The following GCLC variants were observed in gnomAD, a reference collection of about 807,000 sequenced individuals.
GCLC encodes the protein glutamate-cysteine ligase catalytic subunit.
In GCLC, 30 loss-of-function variants were observed where a neutral mutation model predicts 81.5. The observed-to-expected ratio is 0.37, with a 90% CI of 0.28 to 0.50. The LOEUF (loss-of-function observed/expected upper bound fraction) is 0.50. Among genes scored for constraint, GCLC ranks in the 20% least tolerant of loss-of-function variants. The pLI is 0.96. For missense variants in GCLC, 556 were observed against 777.4 expected (o/e 0.72, Z 3.39); for synonymous variants, 262 against 273.3 (o/e 0.96, Z 0.41).
chr6:53,538,765 T>C (rs1182969005), intron 1 of GCLC, among the ~76,000 whole-genome samples: 1 of 152,234 alleles, frequency 6.6e-6, no homozygotes, highest in African/African-American at 2.4e-5. Context: ...AAAGTTCACA[T>C]GGACTTTTCT....
Position 53,500,280 on chromosome 6 carries a change from G to A in GCLC, c.1548C>T (p.Thr516=), listed in dbSNP as rs1211410942. 6.2e-7 allele frequency: 1 copy of A among 1,614,030 alleles called. No homozygotes were observed. Among genetic ancestry groups the A allele is most frequent in the East Asian group, 2.2e-5 (1 of 44,878 alleles). The change falls in exon 14 of 16, where the codon ACC becomes ACT. Residue 516 remains threonine, a synonymous_variant. Transcript: ENST00000650454. ...TGATGATGGTGTCTATGCTCATGAGGGTGTACTCCTCTGCAGCGAGCTCCG... is the reference window on the plus strand; with the variant it reads ...TGATGATGGTGTCTATGCTCATGAGAGTGTACTCCTCTGCAGCGAGCTCCG... ...NSTELAAEEY[T]LMSIDTIING... is the part of the protein sequence containing the mutation.
At chr6:53,534,479 A>AAAAACAG (rs1465206744) in intron 1 of GCLC, among the ~76,000 whole-genome samples, 10 of 150,502 alleles carry the variant, frequency 6.6e-5, no homozygotes, top group Admixed American at 5.9e-4. Flanking sequence ...TGAAAAACCA[A>AAAAACAG]AAAACAAAAA....
At chr6:53,499,079 C>T (rs1764446918) in intron 15 of GCLC, 112 bp from the exon 16 acceptor site, 2 of 743,904 alleles carry the variant, frequency 2.7e-6, no homozygotes, top group Non-Finnish European at 4.8e-6. Flanking sequence ...ATCAATATGT[C>T]CTTTTAGTGT....
chr6:53,508,397 C>T (rs1331557031), intron 8 of GCLC, among the ~76,000 whole-genome samples, 198 bp downstream of exon 8: 1 of 152,074 alleles, frequency 6.6e-6, no homozygotes, highest in Non-Finnish European at 1.5e-5. Flanking sequence ...ATAGAAAAAT[C>T]GGACTACTAA....
intron 1 of GCLC, among the ~76,000 whole-genome samples, chr6:53,523,577 G>T (rs1224668852): frequency 1.3e-5 from 2 of 152,158 alleles, no homozygotes; most frequent in South Asian, 4.1e-4. Context: ...GTAAATCTAG[G>T]TTCTCAGTCT....
At chr6:53,542,437 C>A (rs1199609834) in intron 1 of GCLC, among the ~76,000 whole-genome samples, 1 of 152,188 alleles carries the variant, frequency 6.6e-6, no homozygotes, top group Non-Finnish European at 1.5e-5. Flanking sequence ...ATTTACCCAA[C>A]AACTACAAAA....
intron 15 of GCLC, among the ~76,000 whole-genome samples, 190 bp from the exon 16 acceptor site, chr6:53,499,157 A>G (rs1020736262): frequency 5.9e-5 from 9 of 152,140 alleles, no homozygotes; most frequent in Admixed American, 3.3e-4. Flanking sequence ...CAGGAATTCT[A>G]GGTTGCAGGC....
At chr6:53,514,671 T>G (rs927779127) in intron 4 of GCLC, 174 bp from the exon 5 acceptor site, 3 of 690,692 alleles carry the variant, frequency 4.3e-6, no homozygotes, top group Non-Finnish European at 7.9e-6. Context: ...ACTTTGTGAT[T>G]AAAGATTTTG....
At chr6:53,542,543 G>A (rs996047276) in intron 1 of GCLC, among the ~76,000 whole-genome samples, 5 of 147,708 alleles carry the variant, frequency 3.4e-5, no homozygotes, top group African/African-American at 1.2e-4. Context: ...TGTCTTGCAG[G>A]AATACACCAA....
Position 53,514,305 on chromosome 6 carries a change from T to A in GCLC, c.652A>T (p.Ile218Leu). 1 of 1,596,624 alleles carries A rather than the reference T, an allele frequency of 6.3e-7. No homozygotes were observed. Among genetic ancestry groups the A allele is most frequent in the Non-Finnish European group, 8.6e-7 (1 of 1,164,088 alleles). Reference protein sequence around the residue: ...FKDKNTPSPFIETFTEDDEAS... With the variant: ...FKDKNTPSPFLETFTEDDEAS... ...TCATCATCCTCAGTAAATGTTTCTA[T>A]AAATGGAGATGGTGTATTCTTGTCC... The change falls in exon 6 of 16, where the codon ATA becomes TTA. Residue 218 changes from isoleucine to leucine, a missense_variant. This residue lies in a region of GCLC where 234 missense variants were observed against 303.8 expected (regional missense o/e 0.77). Coordinates refer to ENST00000650454, the MANE Select transcript of GCLC (RefSeq NM_001498.4).
chr6:53,516,216 G>A lies in GCLC; in HGVS notation c.453C>T (p.Gly151=), dbSNP rs1764868012. The change falls in exon 4 of 16, where the codon GGC becomes GGT. Residue 151 remains glycine (G), a synonymous_variant. Coordinates refer to ENST00000650454, the MANE Select transcript of GCLC (RefSeq NM_001498.4). ...LCTITSFPRL[G]CPGFTLPEVK... ...CCTCGGGCAGTGTGAACCCAGGACA[G>A]CCTAATCTACAACAAATTGAAGAAC... 6.3e-7 allele frequency: 1 copy of A among 1,595,592 alleles called. No individual in the cohort carries two copies. The highest frequency in any genetic ancestry group is 1.1e-5 in the South Asian group (1 of 90,750).
rs111670770 is a variant in GCLC at position 53,499,044 on chromosome 6, A to G, written c.1703-77T>C. Reference sequence around the variant, plus strand: ...TTTAATAAGTTGATATTTAGTGGTCAGCATAAACACAATTCTGGAGAGAAA... The same window carrying G: ...TTTAATAAGTTGATATTTAGTGGTCGGCATAAACACAATTCTGGAGAGAAA... On this transcript the variant is annotated intron_variant, in intron 15 of 15. Transcript: ENST00000650454. 9.6e-4 allele frequency: 840 copies of G among 872,580 alleles called. 1 individual carries two copies. In the African/African-American group the frequency reaches 0.012, roughly 13 times the overall value. The allele number at this position is 872,580 out of a possible 1,614,324, so 54.1% of individuals were successfully genotyped here.
intron 4 of GCLC, among the ~76,000 whole-genome samples, chr6:53,515,333 G>A (rs1034960135): frequency 2.0e-5 from 3 of 152,220 alleles, no homozygotes; most frequent in African/African-American, 7.2e-5. Flanking sequence ...AAGGATTTCT[G>A]GTGCATCTTT....
Position 53,512,781 on chromosome 6 carries a change from A to T in GCLC, c.753+1423T>A, listed in dbSNP as rs10484784. Among the ~76,000 whole-genome samples, 1,102 of 152,352 alleles carry T rather than the reference A, an allele frequency of 7.2e-3. 39 individuals carry two copies. Among genetic ancestry groups the T allele is most frequent in the Admixed American group, 0.055 (847 of 15,304 alleles). On this transcript the variant is annotated intron_variant, in intron 6 of 15. Transcript: ENST00000650454. ...TACATACAGTGTTTCAGTGGAAAGA[A>T]TATCCCTTTGGAACCATATCAGAGA...
chr6:53,507,499 G>A lies in GCLC; in HGVS notation c.1065C>T (p.Tyr355=), dbSNP rs753479964. 8 of 1,612,266 alleles carry A rather than the reference G, an allele frequency of 5.0e-6. No individual in the cohort carries two copies. Among genetic ancestry groups the A allele is most frequent in the South Asian group, 1.1e-5 (1 of 91,050 alleles). ...ACCCACCTTCCTGCAACAGCTGTTC[G>A]TAGATCTCTTTATCTATCGTCAAGT... ...DIDLTIDKEI[Y]EQLLQEGIDH... is the part of the protein sequence containing the mutation. The change falls in exon 9 of 16, where the codon TAC becomes TAT. Residue 355 remains tyrosine, a synonymous_variant. Transcript: ENST00000650454.
At chr6:53,503,038 G>C (rs1581727889) in intron 12 of GCLC, 1 of 152,142 alleles carries the variant, frequency 6.6e-6, no homozygotes, top group South Asian at 2.1e-4. Flanking sequence ...AAGGTGCTAT[G>C]GTCTGAATGT....
intron 1 of GCLC, among the ~76,000 whole-genome samples, chr6:53,534,933 G>A (rs1763234557): frequency 6.6e-6 from 1 of 152,054 alleles, no homozygotes; most frequent in Non-Finnish European, 1.5e-5. Flanking sequence ...ACCCCAGCAG[G>A]GTTTTTTTGT....
chr6:53,505,515 A>G lies in GCLC; in HGVS notation c.1291-19T>C, dbSNP rs766213301. ...ATTGCACCTAGACAAGCAGAAGCCC[A>G]GAGAAGTTATGAACCAACTACACAA... On this transcript the variant is annotated intron_variant, in intron 11 of 15. Transcript: ENST00000650454. 4 of 1,337,644 alleles carry G rather than the reference A, an allele frequency of 3.0e-6. No individual in the cohort carries two copies. In the East Asian group the frequency reaches 9.2e-5, roughly 31 times the overall value. 82.9% of individuals were successfully genotyped at this position (1,337,644 alleles called of 1,614,324 possible).
chr6:53,505,134 T>G (rs1253453330), intron 12 of GCLC: 2 of 437,736 alleles, frequency 4.6e-6, no homozygotes, highest in Non-Finnish European at 8.4e-6. Flanking sequence ...TAATTTAACA[T>G]TGTAATCAAC....
Sources: gnomAD v4.1 joint callset for allele counts (sites outside exome capture counted in the v4.1 genomes callset) on GRCh38, gnomAD v4.1.1 for gene constraint, gnomAD v4.1.1 regional missense constraint, MANE v1.5 for transcripts, NCBI Gene and HGNC (gene_info 2026-07-23, HGNC 2026-07-21) for gene names.